The following BOD1L1 variants were observed in gnomAD, a reference collection of about 807,000 sequenced individuals.
The protein encoded by BOD1L1 is biorientation of chromosomes in cell division protein 1-like 1.
Under a neutral mutation model 240.7 loss-of-function variants are expected in BOD1L1, and 86 were observed. The observed-to-expected ratio is 0.36, with a 90% confidence interval of 0.30 to 0.43. The LOEUF is 0.43. Among genes scored for constraint, BOD1L1 ranks in the 20% least tolerant of loss-of-function variants. BOD1L1 has a pLI of 1.00. For missense variants in BOD1L1, 3,554 were observed against 3,643.5 expected (o/e 0.98, Z 0.63); for synonymous variants, 1,268 against 1,272.3 (o/e 1.00, Z 0.07).
Position 13,576,924 on chromosome 4 carries a change from C to T in BOD1L1, c.8952G>A (p.Gln2984=). 1 of 1,613,988 alleles carries T rather than the reference C, an allele frequency of 6.2e-7. No homozygotes were observed. The highest frequency in any genetic ancestry group is 8.5e-7 in the Non-Finnish European group (1 of 1,179,876). The change falls in exon 25 of 26, where the codon CAG becomes CAA. Residue 2984 remains glutamine, a synonymous_variant. Transcript: ENST00000040738. The part of the protein sequence containing the change: ...VSDPVEDKKE[Q]ESDEEEEEEE... The stretch of plus-strand genomic sequence containing the variant: ...CTTCTTCCTCTTCCTCATCAGACTC[C>T]TGCTCTTTCTTGTCCTCCACTGGAT...
At chr4:13,598,076 T>C (rs1213987658) in intron 10 of BOD1L1, among the ~76,000 whole-genome samples, 2 of 152,202 alleles carry the variant, frequency 1.3e-5, no homozygotes, top group Non-Finnish European at 2.9e-5. Context: ...TCCCAGTCTA[T>C]GCAATTGTCA....
intron 12 of BOD1L1, 136 bp downstream of exon 12, chr4:13,595,724 A>T (rs1025141610): frequency 1.8e-5 from 11 of 603,708 alleles, no homozygotes; most frequent in Non-Finnish European, 2.6e-5. Context: ...AATTCTCCCT[A>T]ATCTATTTTA....
In BOD1L1 at chr4:13,627,531, CGGCGGGGGA is replaced by C; in HGVS notation, c.48_56del (p.Pro17_Pro19del). The C allele has an allele frequency of 9.0e-7, 1 of 1,105,382 alleles. No individual in the cohort carries two copies. The highest frequency in any genetic ancestry group is 1.1e-6 in the Non-Finnish European group (1 of 906,932). The allele number at this position is 1,105,382 out of a possible 1,614,324, so 68.5% of individuals were successfully genotyped here. ...GCGGCGGTGGCTGCGGCTGCGGCTG[CGGCGGGGGA>C]GGCGGCGGCGCCGGAGGAGGCGGCT... On this transcript the variant is annotated inframe_deletion, in exon 1 of 26. Coordinates refer to ENST00000040738, the MANE Select transcript of BOD1L1 (RefSeq NM_148894.3).
intron 2 of BOD1L1, 24 bp from the exon 3 acceptor site, chr4:13,615,526 A>G (rs779582155): frequency 9.6e-6 from 15 of 1,558,382 alleles, no homozygotes; most frequent in Middle Eastern, 1.7e-4. Context: ...TAATTTATGG[A>G]AAGGTGAAAA....
chr4:13,569,765 T>C lies in BOD1L1; in HGVS notation c.*246A>G, dbSNP rs1396296809. ...AATTTTGAATGTTAAAATATACAACTACTTTGTTTTGAGTTCAGATACAAA... is the reference window on the plus strand; with the variant it reads ...AATTTTGAATGTTAAAATATACAACCACTTTGTTTTGAGTTCAGATACAAA... On this transcript the variant is annotated 3_prime_UTR_variant, in exon 26 of 26. Coordinates refer to ENST00000040738, the MANE Select transcript of BOD1L1 (RefSeq NM_148894.3). The C allele has an allele frequency of 3.3e-6, 1 of 302,982 alleles. No homozygotes were observed. The highest frequency in any genetic ancestry group is 6.0e-6 in the Non-Finnish European group (1 of 166,342). 18.8% of individuals were successfully genotyped at this position (302,982 alleles called of 1,614,324 possible).
At chr4:13,572,921 C>T in intron 25 of BOD1L1, 1 of 1,185,822 alleles carries the variant, frequency 8.4e-7, no homozygotes, top group Non-Finnish European at 1.1e-6. Flanking sequence ...AAGTATGAGG[C>T]TCCTTGTGGG....
chr4:13,610,444 T>A (rs1191847092), intron 6 of BOD1L1, among the ~76,000 whole-genome samples: 1 of 152,212 alleles, frequency 6.6e-6, no homozygotes. Context: ...AAATCTTAAC[T>A]CTTTGAGCAC....
At chr4:13,586,368 A>C in intron 17 of BOD1L1, 28 bp downstream of exon 17, 1 of 1,549,050 alleles carries the variant, frequency 6.5e-7, no homozygotes, top group Non-Finnish European at 8.9e-7. Context: ...CCCACCCAAA[A>C]CTTAAAACTA....
chr4:13,577,353 A>C, intron 24 of BOD1L1, 50 bp downstream of exon 24: 1 of 1,517,816 alleles, frequency 6.6e-7, no homozygotes, highest in Non-Finnish European at 9.0e-7. Context: ...ACTCTTTAAA[A>C]AGGTGGTTTT....
chr4:13,608,756 T>C (rs1295525696), intron 7 of BOD1L1, 88 bp from the exon 8 acceptor site: 21 of 1,150,502 alleles, frequency 1.8e-5, no homozygotes, highest in Non-Finnish European at 2.4e-5. Flanking sequence ...TTTCTAATCA[T>C]TGTTAAAGCC....
At chr4:13,620,116 T>C in intron 1 of BOD1L1, 49 bp from the exon 2 acceptor site, 1 of 1,507,312 alleles carries the variant, frequency 6.6e-7, no homozygotes, top group East Asian at 2.4e-5. Context: ...ACAGTATCAA[T>C]ATTCACCTCT....
intron 19 of BOD1L1, among the ~76,000 whole-genome samples, chr4:13,581,443 T>C (rs1713225354): frequency 6.6e-6 from 1 of 152,202 alleles, no homozygotes; most frequent in African/African-American, 2.4e-5. Context: ...CCATGAGGAT[T>C]TTGAGACAAT....
chr4:13,608,778 A>G, intron 7 of BOD1L1, 110 bp from the exon 8 acceptor site: 1 of 874,834 alleles, frequency 1.1e-6, no homozygotes. Flanking sequence ...AAATGGCTTT[A>G]ATATTCTTAA....
At chr4:13,584,439 AGAGTGTGTGTGTGT>A (rs1355644891) in intron 17 of BOD1L1, among the ~76,000 whole-genome samples, 1 of 118,300 alleles carries the variant, frequency 8.5e-6, no homozygotes, top group Admixed American at 8.3e-5. Flanking sequence ...AAAGAGAGAG[AGAGTGTGTGTGTGT>A]GTGTGTGTGT....
At chr4:13,574,479 T>C (rs919514088) in intron 25 of BOD1L1, among the ~76,000 whole-genome samples, 2 of 152,242 alleles carry the variant, frequency 1.3e-5, no homozygotes, top group Non-Finnish European at 2.9e-5. Context: ...TACAGAACCA[T>C]ATAAATCAAA....
At chr4:13,586,981 GAACTCATTA>G (rs1560186426) in intron 16 of BOD1L1, among the ~76,000 whole-genome samples, 1 of 152,100 alleles carries the variant, frequency 6.6e-6, no homozygotes, top group African/African-American at 2.4e-5. Context: ...AATACATCAG[GAACTCATTA>G]AATTGCTACC....
chr4:13,627,395 C>T lies in BOD1L1; in HGVS notation c.193G>A (p.Gly65Arg). ...AMIVNHLKSQ[G>R]LFDQFRRDCL... ...TCTCTGCGGAACTGGTCGAAGAGCC[C>T]CTGGCTCTTGAGGTGGTTCACGATC... is the stretch of plus-strand genomic sequence containing the variant. Residue 65 changes from glycine to arginine, a missense_variant, in exon 1 of 26, where the codon GGG becomes AGG. Physicochemically the swap from Gly to Arg is moderately radical, Grantham distance 125. Coordinates refer to ENST00000040738, the MANE Select transcript of BOD1L1 (RefSeq NM_148894.3). 7.2e-7 allele frequency: 1 copy of T among 1,394,730 alleles called. No individual in the cohort carries two copies. The highest frequency in any genetic ancestry group is 9.4e-7 in the Non-Finnish European group (1 of 1,062,280). 86.4% of individuals were successfully genotyped at this position (1,394,730 alleles called of 1,614,324 possible).
At position 13,570,109 on chromosome 4, in the gene BOD1L1, G is replaced by A. The variant is rs758760550; in HGVS notation, c.9058C>T (p.Pro3020Ser). The A allele has an allele frequency of 2.5e-6, 4 of 1,599,402 alleles. No homozygotes were observed. Among genetic ancestry groups the A allele is most frequent in the African/African-American group, 1.4e-5 (1 of 73,986 alleles). Residue 3020 changes from proline (P) to serine (S), a missense_variant, in exon 26 of 26, where the codon CCT becomes TCT. This residue lies in a region of BOD1L1 where 3,393 missense variants were observed against 3,427.1 expected (regional missense o/e 0.99). Transcript: ENST00000040738. Reference sequence around the variant, plus strand: ...ACTTCTCTCTTGCGCTTGATAGAAGGGGAGAGCTGTGTCTTTGATCTGCAT... The same window carrying A: ...ACTTCTCTCTTGCGCTTGATAGAAGAGGAGAGCTGTGTCTTTGATCTGCAT... ...EAQRSKTQLS[P>S]SIKRKREVSP...
At chr4:13,595,559 T>C (rs891051921) in intron 12 of BOD1L1, among the ~76,000 whole-genome samples, 3 of 152,206 alleles carry the variant, frequency 2.0e-5, no homozygotes, top group African/African-American at 7.2e-5. Flanking sequence ...GGCAGGGGTA[T>C]GGAGAAACAT....
Sources: allele counts gnomAD v4.1 joint callset (sites outside exome capture counted in the v4.1 genomes callset), GRCh38; gene constraint gnomAD v4.1.1; regional missense constraint gnomAD v4.1.1; transcripts MANE v1.5; gene names NCBI Gene and HGNC (gene_info 2026-07-23, HGNC 2026-07-21).